Variants in SMPD3 observed in about 807,000 individuals in gnomAD.
SMPD3 encodes the protein sphingomyelin phosphodiesterase 3.
SMPD3 carries 21 observed loss-of-function variants against 55.7 expected under a neutral mutation model. The ratio of observed to expected loss-of-function variants is 0.38; its 90% CI spans 0.27 to 0.54. SMPD3 has a LOEUF of 0.54. Ranked by LOEUF, SMPD3 falls within the 20% of genes least tolerant of loss-of-function variation. The probability of loss-of-function intolerance (pLI) is 0.80; values close to 1 mark genes in which losing one functional copy is unlikely to be tolerated. For synonymous variants in SMPD3, 457 were observed against 404.3 expected, an observed-to-expected ratio of 1.13 and a Z score of -1.56; for missense variants, 842 against 899.6, an observed-to-expected ratio of 0.94 and a Z score of 0.82.
At chr16:68,409,968 A>G (rs529830681) in intron 1 of SMPD3, among the ~76,000 whole-genome samples, 40 of 152,210 alleles carry the variant, frequency 2.6e-4, no homozygotes, top group Non-Finnish European at 1.8e-4. Context: ...CTACCTGACA[A>G]GAGGTTTCAC....
In SMPD3 at chr16:68,371,490, C is replaced by T. The variant is rs1166862303; in HGVS notation, c.692G>A (p.Gly231Glu). 6.3e-7 allele frequency: 1 copy of T among 1,599,052 alleles called. No homozygotes were observed. The highest frequency in any genetic ancestry group is 8.5e-7 in the Non-Finnish European group (1 of 1,179,554). Reference protein sequence around the residue: ...GDEAANGPASGDPVDSSSPED... With the variant: ...GDEAANGPASEDPVDSSSPED... ...CGGGCTGCTGCTGTCGACAGGGTCCCCAGAGGCTGGGCCGTTGGCAGCCTC... is the reference window on the plus strand; with the variant it reads ...CGGGCTGCTGCTGTCGACAGGGTCCTCAGAGGCTGGGCCGTTGGCAGCCTC... The change falls in exon 3 of 9, where the codon GGG (glycine) becomes GAG (glutamate). Residue 231 changes from glycine to glutamate, a missense_variant. Physicochemically the swap from Gly to Glu is moderately conservative, Grantham distance 98 (BLOSUM62 -2). Coordinates refer to ENST00000219334, the MANE Select transcript of SMPD3 (RefSeq NM_018667.4).
chr16:68,392,139 G>A (rs918832443), intron 1 of SMPD3, among the ~76,000 whole-genome samples: 7 of 152,328 alleles, frequency 4.6e-5, no homozygotes, highest in Non-Finnish European at 7.3e-5. Flanking sequence ...TGATCTGCCC[G>A]CCTTGGCCTT....
intron 1 of SMPD3, among the ~76,000 whole-genome samples, chr16:68,427,065 C>T (rs1011113498): frequency 1.4e-5 from 2 of 140,452 alleles, no homozygotes; most frequent in Admixed American, 7.4e-5. Context: ...GGTGAGATCT[C>T]GGCTCACTGC....
intron 1 of SMPD3, among the ~76,000 whole-genome samples, chr16:68,413,157 T>G (rs989711967): frequency 2.6e-5 from 4 of 152,370 alleles, no homozygotes; most frequent in Non-Finnish European, 4.4e-5. Flanking sequence ...GCACAGGGCC[T>G]GAGTTTCGGT....
At chr16:68,424,359 G>A (rs942073745) in intron 1 of SMPD3, among the ~76,000 whole-genome samples, 1 of 152,182 alleles carries the variant, frequency 6.6e-6, no homozygotes, top group Admixed American at 6.5e-5. Flanking sequence ...AGGGGCCGTA[G>A]GGGGAATAAG....
intron 1 of SMPD3, among the ~76,000 whole-genome samples, chr16:68,424,197 C>G (rs1253218569): frequency 6.6e-6 from 1 of 151,286 alleles, no homozygotes; most frequent in Non-Finnish European, 1.5e-5. Flanking sequence ...TCTCTTTGGC[C>G]AGGAGTACTG....
At chr16:68,395,619 G>T (rs2090148991) in intron 1 of SMPD3, among the ~76,000 whole-genome samples, 1 of 152,136 alleles carries the variant, frequency 6.6e-6, no homozygotes, top group South Asian at 2.1e-4. Context: ...CCTAGCCTGG[G>T]CCCACTTAAG....
intron 1 of SMPD3, among the ~76,000 whole-genome samples, chr16:68,418,931 C>T (rs1017026652): frequency 1.2e-4 from 18 of 152,060 alleles, no homozygotes; most frequent in Middle Eastern, 6.3e-3. Flanking sequence ...CTAGATGTAT[C>T]CTCCTAGAGG....
chr16:68,446,928 G>T (rs1372235485), intron 1 of SMPD3, among the ~76,000 whole-genome samples: 1 of 152,244 alleles, frequency 6.6e-6, no homozygotes, highest in Non-Finnish European at 1.5e-5. Context: ...AAAAGGGAAA[G>T]ATGTGGGGGC....
At chr16:68,416,123 T>C (rs1431804868) in intron 1 of SMPD3, among the ~76,000 whole-genome samples, 1 of 152,198 alleles carries the variant, frequency 6.6e-6, no homozygotes, top group Non-Finnish European at 1.5e-5. Flanking sequence ...CCTGCAAGAC[T>C]CTGAGACCAG....
rs753250004 is a variant in SMPD3, at chr16:68,361,215, C to T, written c.1959G>A (p.Glu653=). ...AMRLMVSSGE[E]EA The stretch of plus-strand genomic sequence containing the variant: ...CGCTGCTCCGGACGGTCTATGCCTC[C>T]TCCTCCCCCGAAGACACCATCAGTC... Residue 653 remains glutamate (E), a synonymous_variant, in exon 9 of 9, where the codon GAG becomes GAA. Coordinates refer to ENST00000219334, the MANE Select transcript of SMPD3 (RefSeq NM_018667.4). The T allele has an allele frequency of 3.2e-5, 51 of 1,613,686 alleles. No homozygotes were observed. The highest frequency in any genetic ancestry group is 4.3e-5 in the Non-Finnish European group (51 of 1,179,888).
intron 1 of SMPD3, among the ~76,000 whole-genome samples, chr16:68,423,370 A>C (rs2090411300): frequency 6.6e-6 from 1 of 152,170 alleles, no homozygotes; most frequent in Non-Finnish European, 1.5e-5. Flanking sequence ...TTTGGAGGTG[A>C]GGCCTATGGG....
chr16:68,430,672 CA>C (rs1232841122), intron 1 of SMPD3, among the ~76,000 whole-genome samples: 1 of 152,094 alleles, frequency 6.6e-6, no homozygotes, highest in Non-Finnish European at 1.5e-5. Flanking sequence ...TTATAAAAGC[CA>C]AAAAACATGG....
At chr16:68,366,364 G>C (rs1567779342) in intron 3 of SMPD3, among the ~76,000 whole-genome samples, 1 of 152,192 alleles carries the variant, frequency 6.6e-6, no homozygotes, top group East Asian at 1.9e-4. Context: ...CCCCTTCCCA[G>C]CCCTAATGCA....
rs117233999 is a variant in SMPD3, at chr16:68,412,049, C to T, written c.-268-25390G>A. On this transcript the variant is annotated intron_variant, in intron 1 of 8. Transcript: ENST00000219334. ...GGAAGGAAGAAGGAGGCAGGAGGTG[C>T]TCTGGGAAAGTGCAGTGCACGGGGC... 0.011 allele frequency among the ~76,000 whole-genome samples: 1,659 copies of T among 152,234 alleles called. 66 individuals are homozygous for T. In the East Asian group the frequency reaches 0.12, roughly 11 times the overall value.
intron 1 of SMPD3, among the ~76,000 whole-genome samples, chr16:68,402,974 G>A (rs1198437728): frequency 1.3e-5 from 2 of 152,226 alleles, no homozygotes; most frequent in East Asian, 1.9e-4. Flanking sequence ...ATGATGATGA[G>A]CTAGTCTTGT....
At chr16:68,381,584 G>C (rs1371673885) in intron 2 of SMPD3, among the ~76,000 whole-genome samples, 5 of 152,126 alleles carry the variant, frequency 3.3e-5, no homozygotes, top group African/African-American at 9.7e-5. Context: ...AGTGATCTCG[G>C]GTATTGCTGC....
chr16:68,373,913 C>T (rs958616703), intron 2 of SMPD3, among the ~76,000 whole-genome samples: 3 of 152,068 alleles, frequency 2.0e-5, no homozygotes, highest in East Asian at 1.9e-4. Flanking sequence ...CCCCTCGCCT[C>T]GCTCACCCTT....
At chr16:68,398,054 G>A (rs1948063541) in intron 1 of SMPD3, among the ~76,000 whole-genome samples, 1 of 150,096 alleles carries the variant, frequency 6.7e-6, no homozygotes, top group Non-Finnish European at 1.5e-5. Flanking sequence ...AGGGAGGGAG[G>A]GAGGGAGTCC....
Sources: allele counts gnomAD v4.1 joint callset (sites outside exome capture counted in the v4.1 genomes callset), GRCh38; gene constraint gnomAD v4.1.1; transcripts MANE v1.5; gene names NCBI Gene and HGNC (gene_info 2026-07-23, HGNC 2026-07-21).